Variants in EIF3L observed in about 807,000 individuals in gnomAD.
EIF3L encodes eIEF associated protein HSPC021.
EIF3L carries 32 observed loss-of-function variants against 74.6 expected under a neutral mutation model. The ratio of observed to expected loss-of-function variants is 0.43; its 90% CI spans 0.32 to 0.58. EIF3L has a LOEUF of 0.58. Ranked by LOEUF, EIF3L falls within the 20% of genes least tolerant of loss-of-function variation. The pLI is 0.06. For missense variants in EIF3L, 474 were observed against 707.8 expected (o/e 0.67, Z 3.75); for synonymous variants, 256 against 254.4 (o/e 1.01, Z -0.06).
intron 3 of EIF3L, chr22:37,851,708 C>CA (rs1925235454): frequency 2.2e-6 from 1 of 453,936 alleles, no homozygotes. Flanking sequence ...CTCTGTCGCC[C>CA]AGGCTGGAGT....
At chr22:37,863,468 A>G (rs994480001) in intron 7 of EIF3L, 123 bp downstream of exon 7, 161 of 751,858 alleles carry the variant, frequency 2.1e-4, no homozygotes, top group Admixed American at 9.1e-5. Context: ...AAAATACCCC[A>G]TGGCAGTAGA....
At chr22:37,873,491 G>A (rs1253372278) in intron 8 of EIF3L, among the ~76,000 whole-genome samples, 1 of 151,704 alleles carries the variant, frequency 6.6e-6, no homozygotes, top group Non-Finnish European at 1.5e-5. Flanking sequence ...TAGAGACGGG[G>A]TTTCACCTAG....
chr22:37,855,203 A>G (rs1925434934), intron 3 of EIF3L, among the ~76,000 whole-genome samples: 2 of 152,018 alleles, frequency 1.3e-5, no homozygotes, highest in Admixed American at 1.3e-4. Flanking sequence ...GTGTTTAGAG[A>G]CGTTTGGATG....
intron 7 of EIF3L, among the ~76,000 whole-genome samples, chr22:37,868,469 C>G (rs956444948): frequency 1.3e-5 from 2 of 148,502 alleles, no homozygotes; most frequent in African/African-American, 2.5e-5. Flanking sequence ...TTTTTTCCCC[C>G]CTAAGGCGGA....
intron 11 of EIF3L, chr22:37,879,642 G>A (rs1036993753): frequency 1.3e-5 from 2 of 152,352 alleles, no homozygotes; most frequent in African/African-American, 2.4e-5. Context: ...AGGAGGCTGT[G>A]AAGATGAGAT....
chr22:37,856,233 C>T lies in EIF3L; in HGVS notation c.373+589C>T, dbSNP rs867147251. Among the ~76,000 whole-genome samples the T allele has an allele frequency of 2.6e-4, 40 of 151,996 alleles. No individual in the cohort carries two copies. The Middle Eastern group carries it at 0.017, about 65-fold the overall frequency. ...CTGGGATTACAGGCGCCCGCCACCACGCCCAGCTAATTTTTGTATTTTTAG... is the reference window on the plus strand; with the variant it reads ...CTGGGATTACAGGCGCCCGCCACCATGCCCAGCTAATTTTTGTATTTTTAG... On this transcript the variant is annotated intron_variant, in intron 4 of 12. Transcript: ENST00000652021.
At chr22:37,878,352 G>C (rs1037426116) in intron 11 of EIF3L, 181 bp downstream of exon 11, 10 of 712,354 alleles carry the variant, frequency 1.4e-5, no homozygotes, top group Non-Finnish European at 2.0e-5. Flanking sequence ...GGCTGGGGTG[G>C]GAGGATCACT....
intron 10 of EIF3L, chr22:37,877,310 A>T: frequency 4.9e-6 from 1 of 203,066 alleles, no homozygotes. Flanking sequence ...ACGCTGTTGC[A>T]CGGCACATTA....
intron 5 of EIF3L, among the ~76,000 whole-genome samples, chr22:37,861,870 G>A (rs5995505): frequency 6.6e-6 from 1 of 152,106 alleles, no homozygotes; most frequent in Non-Finnish European, 1.5e-5. Context: ...TGAAGATTCA[G>A]CAGAAGCTTA....
Position 37,877,505 on chromosome 22 carries a change from G to A in EIF3L, c.1078-169G>A, listed in dbSNP as rs938718291. 4 of 755,510 alleles carry A rather than the reference G, an allele frequency of 5.3e-6. No homozygotes were observed. In the East Asian group the frequency reaches 8.2e-5, roughly 15 times the overall value. 46.8% of individuals were successfully genotyped at this position (755,510 alleles called of 1,614,324 possible). A position where few individuals can be genotyped will look rare whatever the true frequency, so the allele number is the denominator to read the frequency against. On this transcript the variant is annotated intron_variant, in intron 10 of 12. Coordinates refer to ENST00000652021, the MANE Select transcript of EIF3L (RefSeq NM_016091.4). ...GGATCTGGAGCTAGGATGGAAGTTA[G>A]GTAGATCTAGAGGGAGGATTGGAAG...
At chr22:37,885,370 A>G (rs930528461) in intron 11 of EIF3L, 2 of 151,970 alleles carry the variant, frequency 1.3e-5, no homozygotes, top group East Asian at 1.9e-4. Context: ...AGAATTGGCT[A>G]TTTGATTATT....
At chr22:37,860,378 G>A (rs56131327) in intron 5 of EIF3L, among the ~76,000 whole-genome samples, 1 of 152,062 alleles carries the variant, frequency 6.6e-6, no homozygotes, top group African/African-American at 2.4e-5. Context: ...TTTTTGAGAC[G>A]GAGTCTCGCT....
Position 37,851,461 on chromosome 22 carries a change from G to T in EIF3L, c.264G>T (p.Val88=), listed in dbSNP as rs1444148845. ...CCAGTGATGTCATTGACCAGAAGGT[G>T]TATGAGATCCAGGACATCTATGAGA... ...RVSSDVIDQK[V]YEIQDIYENS... Residue 88 remains valine (V), a synonymous_variant, in exon 3 of 13, where the codon GTG becomes GTT. Coordinates refer to ENST00000652021, the MANE Select transcript of EIF3L (RefSeq NM_016091.4). The T allele has an allele frequency of 1.9e-6, 3 of 1,613,680 alleles. No individual in the cohort carries two copies. In the African/African-American group the frequency reaches 4.0e-5, roughly 22 times the overall value.
chr22:37,859,370 G>GTTTGTTTTT (rs1437551077), intron 5 of EIF3L, among the ~76,000 whole-genome samples: 1 of 72,776 alleles, frequency 1.4e-5, no homozygotes, highest in Non-Finnish European at 2.4e-5. Flanking sequence ...AGTACGTGAA[G>GTTTGTTTTT]TTTCTTTTTT....
At chr22:37,856,913 TC>T (rs1361145864) in intron 4 of EIF3L, among the ~76,000 whole-genome samples, 2 of 151,268 alleles carry the variant, frequency 1.3e-5, no homozygotes, top group Non-Finnish European at 1.5e-5. Flanking sequence ...TTTTTTTTTT[TC>T]CCCAAGATTG....
At chr22:37,853,258 A>G (rs1925326934) in intron 3 of EIF3L, among the ~76,000 whole-genome samples, 1 of 152,200 alleles carries the variant, frequency 6.6e-6, no homozygotes, top group African/African-American at 2.4e-5. Flanking sequence ...GACTCCTAAC[A>G]AGAAAGAATT....
intron 4 of EIF3L, among the ~76,000 whole-genome samples, chr22:37,857,628 T>G (rs950399147): frequency 2.6e-5 from 4 of 151,698 alleles, no homozygotes; most frequent in Non-Finnish European, 5.9e-5. Context: ...CGCTGCAACC[T>G]CTGCCTCCTG....
chr22:37,862,687 T>G (rs567491149), intron 5 of EIF3L, among the ~76,000 whole-genome samples: 1 of 152,324 alleles, frequency 6.6e-6, no homozygotes, highest in African/African-American at 2.4e-5. Flanking sequence ...TGTGGTTTTT[T>G]TCTGAAACAC....
intron 7 of EIF3L, among the ~76,000 whole-genome samples, chr22:37,867,750 T>C (rs1372302079): frequency 2.0e-5 from 3 of 149,720 alleles, no homozygotes; most frequent in Non-Finnish European, 3.0e-5. Context: ...GTCAAGAGAT[T>C]GAGACCATCC....
Sources: gnomAD v4.1 joint callset for allele counts (sites outside exome capture counted in the v4.1 genomes callset) on GRCh38, gnomAD v4.1.1 for gene constraint, MANE v1.5 for transcripts, NCBI Gene and HGNC (gene_info 2026-07-23, HGNC 2026-07-21) for gene names.